Variants in MYO9A observed in about 807,000 individuals in gnomAD.
MYO9A encodes the protein myosin IXA.
MYO9A carries 103 observed loss-of-function variants against 293.3 expected under a neutral mutation model. That is an observed-to-expected ratio of 0.35 (90% CI 0.30 to 0.41). MYO9A has a LOEUF of 0.41. Ranked by LOEUF, MYO9A falls within the 10% of genes least tolerant of loss-of-function variation. MYO9A has a pLI of 1.00. For synonymous variants in MYO9A, 1,001 were observed against 1,035.7 expected, an observed-to-expected ratio of 0.97 and a Z score of 0.64; for missense variants, 2,685 against 3,033.0, an observed-to-expected ratio of 0.89 and a Z score of 2.69.
At chr15:71,939,328 G>C (rs2058713501) in intron 15 of MYO9A, among the ~76,000 whole-genome samples, 1 of 152,134 alleles carries the variant, frequency 6.6e-6, no homozygotes, top group Non-Finnish European at 1.5e-5. Flanking sequence ...GTACTCAATA[G>C]CTATTTTTTC....
chr15:72,070,306 T>C (rs1169493929), intron 1 of MYO9A, among the ~76,000 whole-genome samples: 2 of 148,118 alleles, frequency 1.4e-5, no homozygotes, highest in Admixed American at 6.7e-5. Context: ...AACAAAAAAC[T>C]ACCCAGATGT....
At position 71,991,092 on chromosome 15, in the gene MYO9A, T is replaced by G. The variant is rs372217016; in HGVS notation, c.1722+11A>C. The G allele has an allele frequency of 4.4e-6, 7 of 1,583,206 alleles. No homozygotes were observed. The African/African-American group carries it at 9.5e-5, about 21-fold the overall frequency. ...ATGGGGGGACAAGTGTATACATATTTAGGTACTCACTTGTTCCAATTTAAA... is the reference window on the plus strand; with the variant it reads ...ATGGGGGGACAAGTGTATACATATTGAGGTACTCACTTGTTCCAATTTAAA... On this transcript the variant is annotated intron_variant, in intron 11 of 41. Coordinates refer to ENST00000356056, the MANE Select transcript of MYO9A (RefSeq NM_006901.4).
chr15:71,942,905 T>C (rs1362504840), intron 15 of MYO9A, among the ~76,000 whole-genome samples: 1 of 152,070 alleles, frequency 6.6e-6, no homozygotes, highest in East Asian at 1.9e-4. Flanking sequence ...AGCTTCTATC[T>C]TGCTCAACTA....
At chr15:71,864,724 C>CA (rs1209875655) in intron 32 of MYO9A, among the ~76,000 whole-genome samples, 1 of 152,038 alleles carries the variant, frequency 6.6e-6, no homozygotes, top group Non-Finnish European at 1.5e-5. Context: ...AAGCCACATG[C>CA]AAAAACCACA....
At chr15:71,923,401 CCT>C (rs2058208693) in intron 18 of MYO9A, among the ~76,000 whole-genome samples, 1 of 152,158 alleles carries the variant, frequency 6.6e-6, no homozygotes, top group African/African-American at 2.4e-5. Flanking sequence ...AGAATTCTCT[CCT>C]CTCCATTTTT....
chr15:71,992,254 T>A (rs2148427069), intron 10 of MYO9A, among the ~76,000 whole-genome samples: 1 of 152,346 alleles, frequency 6.6e-6, no homozygotes, highest in Non-Finnish European at 1.5e-5. Context: ...TATATTCTTC[T>A]ATTGCACTTC....
chr15:71,876,924 C>G (rs977796799), intron 31 of MYO9A, among the ~76,000 whole-genome samples: 2 of 152,176 alleles, frequency 1.3e-5, no homozygotes, highest in South Asian at 4.2e-4. Context: ...GTAGTAGAAG[C>G]CTACTAAGAA....
At chr15:71,856,858 A>T (rs1192647173) in intron 34 of MYO9A, among the ~76,000 whole-genome samples, 1 of 152,210 alleles carries the variant, frequency 6.6e-6, no homozygotes, top group Non-Finnish European at 1.5e-5. Flanking sequence ...CACTATGTGA[A>T]CTTGGCTAGG....
At chr15:72,052,744 T>C (rs753827906) in intron 1 of MYO9A, among the ~76,000 whole-genome samples, 4 of 152,186 alleles carry the variant, frequency 2.6e-5, no homozygotes, top group Admixed American at 6.5e-5. Context: ...CCAGCGCCTA[T>C]GCCAGCACCC....
At chr15:71,871,362 G>T (rs184016281) in intron 32 of MYO9A, among the ~76,000 whole-genome samples, 1 of 152,108 alleles carries the variant, frequency 6.6e-6, no homozygotes, top group East Asian at 1.9e-4. Flanking sequence ...GCAACAGAGC[G>T]AGACCTAGTC....
At chr15:72,016,418 A>G (rs1345340878) in intron 6 of MYO9A, among the ~76,000 whole-genome samples, 1 of 152,212 alleles carries the variant, frequency 6.6e-6, no homozygotes, top group Non-Finnish European at 1.5e-5. Flanking sequence ...AAATCACCAC[A>G]CAAGGGCAAC....
At chr15:71,930,032 T>C (rs951245074) in intron 18 of MYO9A, among the ~76,000 whole-genome samples, 9 of 152,188 alleles carry the variant, frequency 5.9e-5, no homozygotes, top group Admixed American at 3.3e-4. Flanking sequence ...TTTAAATGTT[T>C]GGTAGTGTTG....
intron 38 of MYO9A, 89 bp downstream of exon 38, chr15:71,849,947 A>T: frequency 6.7e-7 from 1 of 1,498,192 alleles, no homozygotes; most frequent in Non-Finnish European, 9.2e-7. Context: ...GAATTTATGA[A>T]CCCATTCACT....
chr15:71,961,419 T>C (rs1251033455), intron 13 of MYO9A, among the ~76,000 whole-genome samples: 3 of 152,146 alleles, frequency 2.0e-5, no homozygotes, highest in Non-Finnish European at 4.4e-5. Flanking sequence ...AAGTGAAGTT[T>C]GGGCCAGTGA....
intron 18 of MYO9A, among the ~76,000 whole-genome samples, chr15:71,917,497 T>C (rs1297599128): frequency 6.6e-6 from 1 of 152,136 alleles, no homozygotes; most frequent in East Asian, 1.9e-4. Context: ...ATTGAGCCAC[T>C]GCACACCAGC....
chr15:72,004,329 G>T (rs935572161), intron 8 of MYO9A, among the ~76,000 whole-genome samples: 36 of 152,280 alleles, frequency 2.4e-4, no homozygotes, highest in African/African-American at 8.4e-4. Context: ...AGGCCAAGGC[G>T]GGTGGATCAC....
At chr15:72,101,837 C>T (rs1284934851) in intron 1 of MYO9A, among the ~76,000 whole-genome samples, 3 of 142,150 alleles carry the variant, frequency 2.1e-5, no homozygotes, top group African/African-American at 2.9e-5. Flanking sequence ...GCCCCCCGCC[C>T]GGCCAGCCGC....
chr15:71,883,878 A>C, intron 27 of MYO9A, 142 bp from the exon 28 acceptor site: 1 of 771,176 alleles, frequency 1.3e-6, no homozygotes, highest in Non-Finnish European at 1.9e-6. Flanking sequence ...ATTTATCTTT[A>C]CTTTTGCATT....
chr15:72,006,032 G>A (rs1026527820), intron 8 of MYO9A, among the ~76,000 whole-genome samples: 22 of 152,026 alleles, frequency 1.4e-4, no homozygotes, highest in African/African-American at 4.6e-4. Context: ...ATATTACCCC[G>A]TAATAAACAG....
Sources: allele counts gnomAD v4.1 joint callset (sites outside exome capture counted in the v4.1 genomes callset), GRCh38; gene constraint gnomAD v4.1.1; transcripts MANE v1.5; gene names NCBI Gene and HGNC (gene_info 2026-07-23, HGNC 2026-07-21).